The following CERK variants were observed in gnomAD, a reference collection of about 807,000 sequenced individuals.
CERK encodes the protein ceramide kinase, also known as acylsphingosine kinase.
CERK carries 39 observed loss-of-function variants against 63.4 expected under a neutral mutation model. That is an observed-to-expected ratio of 0.61 (90% confidence interval 0.48 to 0.80). The LOEUF is 0.80. CERK is among the 30% of genes least tolerant of loss of function. The pLI is 0.00. For synonymous variants in CERK, 302 were observed against 280.0 expected, an observed-to-expected ratio of 1.08 and a Z score of -0.78; for missense variants, 670 against 714.1, an observed-to-expected ratio of 0.94 and a Z score of 0.70.
chr22:46,693,451 C>G lies in CERK; in HGVS notation c.1102G>C (p.Ala368Pro). Residue 368 changes from alanine (A) to proline (P), a missense_variant, in exon 10 of 13, where the codon GCA (alanine) becomes CCA (proline). By Grantham distance (27) the Ala-to-Pro change is conservative. Coordinates refer to ENST00000216264, the MANE Select transcript of CERK (RefSeq NM_022766.6). ...KQQLEEEQKK[A>P]LYGLEAAEDV... Reference sequence around the variant, plus strand: ...CCCGCAGCTTCCAAACCATACAGTGCTTTCTTCTGCTCCTCCTCCAGCTGC... The same window carrying G: ...CCCGCAGCTTCCAAACCATACAGTGGTTTCTTCTGCTCCTCCTCCAGCTGC... The G allele has an allele frequency of 6.2e-7, 1 of 1,614,170 alleles. No homozygotes were observed. Among genetic ancestry groups the G allele is most frequent in the Non-Finnish European group, 8.5e-7 (1 of 1,180,004 alleles).
intron 1 of CERK, among the ~76,000 whole-genome samples, chr22:46,730,767 T>C (rs1371530709): frequency 1.3e-5 from 2 of 152,192 alleles, no homozygotes; most frequent in Admixed American, 6.5e-5. Context: ...GTTCAGGGCC[T>C]GGGATCTGAG....
At chr22:46,726,068 G>A (rs1372794325) in intron 1 of CERK, among the ~76,000 whole-genome samples, 1 of 152,244 alleles carries the variant, frequency 6.6e-6, no homozygotes, top group Non-Finnish European at 1.5e-5. Context: ...GAGGGCCCAC[G>A]GGTTTCCCGT....
intron 1 of CERK, among the ~76,000 whole-genome samples, chr22:46,722,330 C>G (rs2082896512): frequency 6.6e-6 from 1 of 152,080 alleles, no homozygotes; most frequent in Non-Finnish European, 1.5e-5. Context: ...ACTGTAGAAA[C>G]CTTTGAAAGG....
chr22:46,698,284 A>C (rs967991259), intron 8 of CERK, among the ~76,000 whole-genome samples: 2 of 151,590 alleles, frequency 1.3e-5, no homozygotes, highest in African/African-American at 2.4e-5. Context: ...ATTCGCTCCC[A>C]CTCCTCCTCC....
rs375650283 is a variant in CERK, at chr22:46,689,988, G to C, written c.1541+4C>G. On this transcript the variant is annotated splice_donor_region_variant and intron_variant, in intron 12 of 12. Transcript: ENST00000216264. The stretch of plus-strand genomic sequence containing the variant: ...GCTGGTGGCTGGAGGACCCCTGCAC[G>C]CACCTGACCTCGATGGCAGGGCTGT... The C allele has an allele frequency of 1.3e-6, 2 of 1,597,372 alleles. No homozygotes were observed. The highest frequency in any genetic ancestry group is 1.7e-6 in the Non-Finnish European group (2 of 1,176,038).
In CERK at chr22:46,708,007, C is replaced by G. The variant is rs752790393; in HGVS notation, c.570-19G>C. 1.0e-5 allele frequency: 16 copies of G among 1,586,040 alleles called. No homozygotes were observed. Among genetic ancestry groups the G allele is most frequent in the Non-Finnish European group, 1.4e-5 (16 of 1,161,024 alleles). ...GACGATGCTGCAGGAGGAACACAGC[C>G]GGTCAGGGCTCCTGCAGGTGCGGCC... On this transcript the variant is annotated intron_variant, in intron 5 of 12. Transcript: ENST00000216264.
rs369977717 is a variant in CERK, at chr22:46,707,973, G to A, written c.585C>T (p.Gly195=). ...GCACCTCGCTGAACATACCATCTCC[G>A]CCGACACAGACGATGCTGCAGGAGG... The part of the protein sequence containing the change: ...IDKYDGIVCV[G]GDGMFSEVLH... The change falls in exon 6 of 13, where the codon GGC becomes GGT. Residue 195 remains glycine (G), a synonymous_variant. Coordinates refer to ENST00000216264, the MANE Select transcript of CERK (RefSeq NM_022766.6). 35 of 1,608,880 alleles carry A rather than the reference G, an allele frequency of 2.2e-5. No individual in the cohort carries two copies. Among genetic ancestry groups the A allele is most frequent in the South Asian group, 7.7e-5 (7 of 90,876 alleles).
chr22:46,699,252 C>CA, intron 8 of CERK, 61 bp downstream of exon 8: 1 of 1,553,068 alleles, frequency 6.4e-7, no homozygotes, highest in Non-Finnish European at 8.8e-7. Context: ...AGTCAGGTAA[C>CA]ATCTGTGAAG....
At chr22:46,691,056 T>TACACACACACACACAC (rs141210280) in intron 11 of CERK, among the ~76,000 whole-genome samples, 5,256 of 147,178 alleles carry the variant, frequency 0.036, 104 homozygotes, top group Middle Eastern at 0.052. Context: ...TATACATACA[T>TACACACACACACACAC]ACACACACAC....
At chr22:46,690,775 A>G (rs1263889779) in intron 11 of CERK, among the ~76,000 whole-genome samples, 2 of 152,176 alleles carry the variant, frequency 1.3e-5, no homozygotes, top group East Asian at 1.9e-4. Context: ...TCCGAACAGA[A>G]CCCATTTCTG....
intron 1 of CERK, among the ~76,000 whole-genome samples, chr22:46,722,841 C>T (rs1005772184): frequency 6.6e-6 from 1 of 152,166 alleles, no homozygotes; most frequent in Non-Finnish European, 1.5e-5. Context: ...CCAGAAGGAG[C>T]GACACAGGTG....
At position 46,688,292 on chromosome 22, in the gene CERK, A is replaced by G. The variant is rs190421595; in HGVS notation, c.1542-1086T>C. On this transcript the variant is annotated intron_variant, in intron 12 of 12. Coordinates refer to ENST00000216264, the MANE Select transcript of CERK (RefSeq NM_022766.6). The stretch of plus-strand genomic sequence containing the variant: ...TTAAAAGCGACGTGCTGCTCAAGGC[A>G]TAGCCATATTTATCAAGATAGACAG... Among the ~76,000 whole-genome samples, 18 of 152,382 alleles carry G rather than the reference A, an allele frequency of 1.2e-4. 1 individual carries two copies. The East Asian group carries it at 3.5e-3, about 29-fold the overall frequency.
rs986216011 is a variant in CERK, at chr22:46,686,762, T to G, written c.*372A>C. ...TGGATCAAAGTGACCCACTGCTACC[T>G]CAGGCCCAGATGGTGTGACCTGCGT... On this transcript the variant is annotated 3_prime_UTR_variant, in exon 13 of 13. Coordinates refer to ENST00000216264, the MANE Select transcript of CERK (RefSeq NM_022766.6). 18 of 212,260 alleles carry G rather than the reference T, an allele frequency of 8.5e-5. No homozygotes were observed. The South Asian group carries it at 1.2e-3, about 14-fold the overall frequency. The allele number at this position is 212,260 out of a possible 1,614,324, so 13.1% of individuals were successfully genotyped here. A position where few individuals can be genotyped will look rare whatever the true frequency, so the allele number is the denominator to read the frequency against.
intron 3 of CERK, among the ~76,000 whole-genome samples, chr22:46,719,264 T>A (rs1019302018): frequency 1.3e-5 from 2 of 152,078 alleles, no homozygotes; most frequent in African/African-American, 4.8e-5. Context: ...GGGGGTTTGG[T>A]GTACAGATTA....
At chr22:46,694,718 G>T (rs2082747581) in intron 9 of CERK, among the ~76,000 whole-genome samples, 1 of 152,182 alleles carries the variant, frequency 6.6e-6, no homozygotes, top group Non-Finnish European at 1.5e-5. Flanking sequence ...TTGGAGCATG[G>T]GGCTAACATG....
At chr22:46,736,118 T>C (rs145035880) in intron 1 of CERK, among the ~76,000 whole-genome samples, 17 of 152,246 alleles carry the variant, frequency 1.1e-4, no homozygotes, top group African/African-American at 3.9e-4. Context: ...GTCAGGCAGC[T>C]CAGGATGAAC....
At chr22:46,733,354 T>G (rs1413677136) in intron 1 of CERK, among the ~76,000 whole-genome samples, 1 of 151,438 alleles carries the variant, frequency 6.6e-6, no homozygotes, top group Non-Finnish European at 1.5e-5. Context: ...AGTGCAGTGG[T>G]GCAATCACAG....
chr22:46,716,587 A>C (rs1057407771), intron 3 of CERK, among the ~76,000 whole-genome samples: 3 of 152,228 alleles, frequency 2.0e-5, no homozygotes, highest in South Asian at 2.1e-4. Flanking sequence ...GTAATTAATA[A>C]ATTCAATAAA....
chr22:46,691,536 G>A (rs570041175), intron 11 of CERK, 36 bp downstream of exon 11: 26 of 1,525,060 alleles, frequency 1.7e-5, no homozygotes, highest in Middle Eastern at 1.7e-4. Context: ...TAAATTACTC[G>A]CCAGTGGAGG....
Sources: allele counts gnomAD v4.1 joint callset (sites outside exome capture counted in the v4.1 genomes callset), GRCh38; gene constraint gnomAD v4.1.1; transcripts MANE v1.5; gene names NCBI Gene and HGNC (gene_info 2026-07-23, HGNC 2026-07-21).